Variants in APP observed in about 807,000 individuals in gnomAD.
The protein encoded by APP is amyloid-beta precursor protein.
APP carries 31 observed loss-of-function variants against 101.4 expected under a neutral mutation model. The ratio of observed to expected loss-of-function variants is 0.31; its 90% CI spans 0.23 to 0.41. The LOEUF (loss-of-function observed/expected upper bound fraction) is 0.41, where lower values mean the gene tolerates loss of function less well. Ranked by LOEUF, APP falls within the 10% of genes least tolerant of loss-of-function variation. The pLI is 1.00. For missense variants in APP, 839 were observed against 1,003.7 expected, an observed-to-expected ratio of 0.84 and a Z score of 2.22; for synonymous variants, 366 against 364.4, an observed-to-expected ratio of 1.00 and a Z score of -0.05.
intron 3 of APP, among the ~76,000 whole-genome samples, chr21:26,085,243 T>G (rs2061680769): frequency 6.6e-6 from 1 of 152,224 alleles, no homozygotes. Flanking sequence ...GATGGCTGAT[T>G]AGCCTTTCCT....
intron 1 of APP, among the ~76,000 whole-genome samples, chr21:26,127,662 G>A (rs140452770): frequency 8.3e-4 from 126 of 152,228 alleles, no homozygotes; most frequent in Non-Finnish European, 1.4e-3. Context: ...GAATCAAAAG[G>A]CAAAAGTCAA....
intron 17 of APP, among the ~76,000 whole-genome samples, chr21:25,883,810 TG>T (rs1254822062): frequency 6.6e-6 from 1 of 152,240 alleles, no homozygotes; most frequent in Non-Finnish European, 1.5e-5. Context: ...TGAGGTGGAA[TG>T]ACTACCAGTG....
At chr21:26,115,876 TGGGAAA>T (rs1364243066) in intron 1 of APP, among the ~76,000 whole-genome samples, 10 of 152,236 alleles carry the variant, frequency 6.6e-5, no homozygotes, top group African/African-American at 2.4e-4. Context: ...CCTTAGTAGA[TGGGAAA>T]TATAACCACT....
At chr21:26,159,563 G>T (rs1322582658) in intron 1 of APP, among the ~76,000 whole-genome samples, 4 of 152,184 alleles carry the variant, frequency 2.6e-5, no homozygotes, top group Non-Finnish European at 5.9e-5. Flanking sequence ...CACGGGCTTA[G>T]GCTTGGCTTT....
intron 5 of APP, among the ~76,000 whole-genome samples, chr21:26,028,559 G>A (rs779857923): frequency 5.3e-5 from 8 of 152,122 alleles, no homozygotes; most frequent in Non-Finnish European, 1.0e-4. Context: ...GCAGAGACAC[G>A]GGGATTCAGG....
At chr21:26,093,656 A>G (rs1035834772) in intron 2 of APP, among the ~76,000 whole-genome samples, 3 of 152,204 alleles carry the variant, frequency 2.0e-5, no homozygotes, top group African/African-American at 7.2e-5. Context: ...GCTTTTCCCT[A>G]AAGACTAGTA....
At chr21:25,999,830 G>T (rs1476522252) in intron 7 of APP, among the ~76,000 whole-genome samples, 185 bp downstream of exon 7, 2 of 152,230 alleles carry the variant, frequency 1.3e-5, no homozygotes, top group East Asian at 3.8e-4. Context: ...AGGGAAAGAC[G>T]GAGAGGTGTG....
At chr21:25,975,020 A>C in intron 11 of APP, 50 bp downstream of exon 11, 2 of 1,611,500 alleles carry the variant, frequency 1.2e-6, no homozygotes, top group Non-Finnish European at 1.7e-6. Context: ...CCCCACCCTT[A>C]CTGTCTGTGC....
chr21:25,975,798 CA>C lies in APP; in HGVS notation c.1299+155del, dbSNP rs2042202359. 2.6e-5 allele frequency among the ~76,000 whole-genome samples: 4 copies of C among 152,294 alleles called. No homozygotes were observed. The East Asian group carries it at 7.7e-4, about 29-fold the overall frequency. On this transcript the variant is annotated intron_variant, in intron 10 of 17. Coordinates refer to ENST00000346798, the MANE Select transcript of APP (RefSeq NM_000484.4). ...GAGCAAATATAAGGCAGGATTTAAA[CA>C]ACTCAATTACTAGACAATGATTAAG...
intron 1 of APP, among the ~76,000 whole-genome samples, chr21:26,157,061 G>C (rs1782983): frequency 0.48 from 73,662 of 151,942 alleles, 20,104 homozygotes; most frequent in African/African-American, 0.76. Context: ...TTTAAATAAT[G>C]TAGCTTTTTG....
intron 12 of APP, 73 bp from the exon 13 acceptor site, chr21:25,954,762 CTT>C (rs373564278): frequency 7.8e-6 from 9 of 1,150,386 alleles, no homozygotes; most frequent in Non-Finnish European, 9.7e-6. Flanking sequence ...TTCTTTTTTT[CTT>C]TTTTTTTTGA....
At chr21:26,136,662 G>A (rs1474765453) in intron 1 of APP, among the ~76,000 whole-genome samples, 1 of 151,924 alleles carries the variant, frequency 6.6e-6, no homozygotes, top group Admixed American at 6.6e-5. Flanking sequence ...ACAAAAATGT[G>A]TGCTGATTAC....
At chr21:26,012,934 C>G (rs970000296) in intron 6 of APP, among the ~76,000 whole-genome samples, 3 of 151,934 alleles carry the variant, frequency 2.0e-5, no homozygotes, top group Non-Finnish European at 4.4e-5. Context: ...GAGCCAAGAT[C>G]GTGCCACTGA....
intron 3 of APP, among the ~76,000 whole-genome samples, chr21:26,089,143 C>A (rs1044543644): frequency 6.6e-6 from 1 of 152,178 alleles, no homozygotes; most frequent in African/African-American, 2.4e-5. Flanking sequence ...TCCTTATTTA[C>A]AACCTGCCTA....
At chr21:25,963,491 G>A (rs951687168) in intron 11 of APP, among the ~76,000 whole-genome samples, 11 of 152,110 alleles carry the variant, frequency 7.2e-5, no homozygotes, top group African/African-American at 1.7e-4. Context: ...CTCACTGTAC[G>A]GGAATCACCC....
intron 13 of APP, among the ~76,000 whole-genome samples, chr21:25,916,031 C>T (rs1031621314): frequency 2.0e-5 from 3 of 150,416 alleles, no homozygotes; most frequent in Admixed American, 1.3e-4. Context: ...TATCTTAATT[C>T]AACACAGAAA....
At chr21:26,134,170 C>A (rs1012022827) in intron 1 of APP, among the ~76,000 whole-genome samples, 2 of 152,184 alleles carry the variant, frequency 1.3e-5, no homozygotes, top group Non-Finnish European at 2.9e-5. Flanking sequence ...GAGATGAGGT[C>A]TCCCTATGTT....
chr21:26,139,233 G>C (rs1333222148), intron 1 of APP, among the ~76,000 whole-genome samples: 2 of 152,188 alleles, frequency 1.3e-5, no homozygotes, highest in African/African-American at 4.8e-5. Flanking sequence ...GGACAGAAGA[G>C]TCAAAGAATC....
intron 3 of APP, among the ~76,000 whole-genome samples, chr21:26,075,231 A>G (rs973244113): frequency 2.0e-5 from 3 of 152,224 alleles, no homozygotes; most frequent in South Asian, 2.1e-4. Flanking sequence ...AAGCTCTGGG[A>G]ATATTTCAGT....
Sources: allele counts gnomAD v4.1 joint callset (sites outside exome capture counted in the v4.1 genomes callset), GRCh38; gene constraint gnomAD v4.1.1; transcripts MANE v1.5; gene names NCBI Gene and HGNC (gene_info 2026-07-23, HGNC 2026-07-21).